Variants in SOX5 observed in about 807,000 individuals in gnomAD.
SOX5 encodes SRY-box transcription factor 5, also known as transcription factor SOX-5.
In SOX5, 9 loss-of-function variants were observed where a neutral mutation model predicts 92.0. The ratio of observed to expected loss-of-function variants is 0.10; its 90% CI spans 0.06 to 0.17. The LOEUF (loss-of-function observed/expected upper bound fraction) is 0.17. Ranked by LOEUF, SOX5 falls within the 10% of genes least tolerant of loss-of-function variation. The pLI is 1.00. For synonymous variants in SOX5, 344 were observed against 336.3 expected (o/e 1.02, Z -0.25); for missense variants, 642 against 944.5 (o/e 0.68, Z 4.20).
At chr12:24,269,756 A>G in intron 3 of SOX5, among the ~76,000 whole-genome samples, 1 of 137,190 alleles carries the variant, frequency 7.3e-6, no homozygotes. Context: ...GCAGCTCACT[A>G]CAGCCTTGAA....
At chr12:24,233,767 C>T (rs974453751) in intron 3 of SOX5, among the ~76,000 whole-genome samples, 1 of 152,204 alleles carries the variant, frequency 6.6e-6, no homozygotes, top group African/African-American at 2.4e-5. Context: ...ACAAGGAAGA[C>T]CTATGTGCAT....
At chr12:24,184,883 C>A (rs1333210471) in intron 4 of SOX5, among the ~76,000 whole-genome samples, 1 of 151,904 alleles carries the variant, frequency 6.6e-6, no homozygotes, top group Non-Finnish European at 1.5e-5. Context: ...ACTTAATGGA[C>A]TATTTTGTGA....
intron 8 of SOX5, among the ~76,000 whole-genome samples, chr12:23,631,827 C>T (rs2138431378): frequency 6.6e-6 from 1 of 152,158 alleles, no homozygotes; most frequent in South Asian, 2.1e-4. Context: ...CTGCTGAAAG[C>T]AAGAAAACAC....
At chr12:24,166,645 A>C (rs1167534872) in intron 4 of SOX5, among the ~76,000 whole-genome samples, 1 of 152,196 alleles carries the variant, frequency 6.6e-6, no homozygotes, top group Admixed American at 6.5e-5. Context: ...TTCAAAACTC[A>C]GTCCTATTTT....
At chr12:24,546,902 T>C (rs886281338) in intron 1 of SOX5, among the ~76,000 whole-genome samples, 1 of 152,176 alleles carries the variant, frequency 6.6e-6, no homozygotes, top group African/African-American at 2.4e-5. Context: ...GAACTTCCAG[T>C]AAAACTTTGG....
intron 6 of SOX5, among the ~76,000 whole-genome samples, chr12:23,695,322 T>G (rs1228209370): frequency 6.6e-6 from 1 of 152,094 alleles, no homozygotes; most frequent in East Asian, 1.9e-4. Flanking sequence ...CATAAAAATT[T>G]TGGAATTGGC....
chr12:23,724,778 C>A (rs1014788049), intron 6 of SOX5, among the ~76,000 whole-genome samples: 32 of 152,054 alleles, frequency 2.1e-4, no homozygotes, highest in African/African-American at 7.2e-4. Context: ...GTATTCCAGG[C>A]CATGAGAATA....
intron 4 of SOX5, among the ~76,000 whole-genome samples, chr12:24,159,049 T>C (rs879886029): frequency 3.3e-5 from 5 of 151,962 alleles, no homozygotes; most frequent in Non-Finnish European, 7.4e-5. Flanking sequence ...TTTGGAGTGA[T>C]ATGATGTGTG....
chr12:24,370,815 G>T (rs1184740969), intron 1 of SOX5, among the ~76,000 whole-genome samples: 1 of 152,084 alleles, frequency 6.6e-6, no homozygotes, highest in Non-Finnish European at 1.5e-5. Context: ...CAAAATGACT[G>T]GTTTCCTAAC....
chr12:24,046,137 C>G (rs112081193), intron 4 of SOX5, among the ~76,000 whole-genome samples: 3 of 152,166 alleles, frequency 2.0e-5, no homozygotes, highest in Non-Finnish European at 4.4e-5. Context: ...CTCTAAATAA[C>G]GTGACTTTGT....
intron 1 of SOX5, among the ~76,000 whole-genome samples, chr12:24,470,380 G>A (rs1011999687): frequency 6.6e-6 from 1 of 152,144 alleles, no homozygotes; most frequent in Non-Finnish European, 1.5e-5. Flanking sequence ...GTATAATCAA[G>A]AGAAGTAAAT....
At chr12:23,794,244 A>G (rs943587931) in intron 3 of SOX5, among the ~76,000 whole-genome samples, 2 of 149,494 alleles carry the variant, frequency 1.3e-5, no homozygotes, top group African/African-American at 4.9e-5. Context: ...ATTTATACGC[A>G]TATTTACCTA....
chr12:24,041,908 C>T (rs898204561), intron 4 of SOX5, among the ~76,000 whole-genome samples: 2 of 152,036 alleles, frequency 1.3e-5, no homozygotes, highest in East Asian at 1.9e-4. Context: ...TAATTTGTAA[C>T]TTATTTTAAA....
chr12:23,762,034 TC>T (rs1319738059), intron 3 of SOX5, among the ~76,000 whole-genome samples: 7 of 152,230 alleles, frequency 4.6e-5, no homozygotes, highest in Middle Eastern at 3.4e-3. Flanking sequence ...AAATCATATA[TC>T]AGTAAGAGTT....
At chr12:24,247,950 A>T (rs1010723442) in intron 3 of SOX5, among the ~76,000 whole-genome samples, 2 of 151,980 alleles carry the variant, frequency 1.3e-5, no homozygotes, top group Non-Finnish European at 2.9e-5. Context: ...CACGGCACCC[A>T]GCCAGCAATG....
intron 11 of SOX5, among the ~76,000 whole-genome samples, chr12:23,552,496 T>C (rs755509874): frequency 1.3e-5 from 2 of 151,378 alleles, no homozygotes; most frequent in Non-Finnish European, 3.0e-5. Context: ...AAAAAAAAGG[T>C]TTGAGTAGAG....
chr12:23,980,418 T>A (rs2136156452), intron 4 of SOX5, among the ~76,000 whole-genome samples: 1 of 152,248 alleles, frequency 6.6e-6, no homozygotes, highest in Middle Eastern at 3.4e-3. Context: ...CATATATATA[T>A]AATTTTTGAA....
intron 4 of SOX5, among the ~76,000 whole-genome samples, chr12:23,963,708 T>A (rs976863730): frequency 1.3e-5 from 2 of 150,490 alleles, no homozygotes; most frequent in East Asian, 3.9e-4. Flanking sequence ...AATGGATAGT[T>A]TTTGGATTAG....
intron 9 of SOX5, among the ~76,000 whole-genome samples, chr12:23,598,387 C>CTTTTTTTTTTTTTTTTTTTTTTTTTTTTT (rs201719026): frequency 1.1e-5 from 1 of 95,128 alleles, no homozygotes. Flanking sequence ...TGTGCTTTAT[C>CTTTTTTTTTTTTTTTTTTTTTTTTTTTTT]TTTTTTTTTT....
Sources: allele counts gnomAD v4.1 joint callset (sites outside exome capture counted in the v4.1 genomes callset), GRCh38; gene constraint gnomAD v4.1.1; transcripts MANE v1.5; gene names NCBI Gene and HGNC (gene_info 2026-07-23, HGNC 2026-07-21).